NLGN1: variants seen among roughly 807,000 people sequenced by gnomAD.
The protein encoded by NLGN1 is neuroligin 1.
NLGN1 carries 12 observed loss-of-function variants against 65.5 expected under a neutral mutation model. The ratio of observed to expected loss-of-function variants is 0.18; its 90% CI spans 0.12 to 0.30. The LOEUF (loss-of-function observed/expected upper bound fraction) is 0.30, where lower values mean the gene tolerates loss of function less well. Ranked by LOEUF, NLGN1 falls within the 10% of genes least tolerant of loss-of-function variation. The pLI, the probability that NLGN1 is intolerant of heterozygous loss-of-function variation, is 1.00. For synonymous variants in NLGN1, 350 were observed against 359.5 expected (o/e 0.97, Z 0.30); for missense variants, 750 against 1,007.1 (o/e 0.74, Z 3.46).
intron 3 of NLGN1, among the ~76,000 whole-genome samples, chr3:173,709,068 C>G (rs764956586): frequency 6.6e-6 from 1 of 152,168 alleles, no homozygotes; most frequent in Non-Finnish European, 1.5e-5. Flanking sequence ...ATAATTTAGA[C>G]ACAGACGTAA....
At chr3:174,109,279 C>T (rs1171158173) in intron 4 of NLGN1, among the ~76,000 whole-genome samples, 1 of 151,704 alleles carries the variant, frequency 6.6e-6, no homozygotes, top group African/African-American at 2.4e-5. Context: ...TAATAAGTTC[C>T]TTTTCCTTCA....
intron 3 of NLGN1, among the ~76,000 whole-genome samples, chr3:173,731,512 G>T (rs1408552656): frequency 1.3e-5 from 2 of 151,952 alleles, no homozygotes; most frequent in Admixed American, 1.3e-4. Context: ...CTATTGAGAG[G>T]ATGAGATGAA....
intron 3 of NLGN1, among the ~76,000 whole-genome samples, chr3:173,699,006 G>A (rs989312957): frequency 1.6e-4 from 24 of 152,048 alleles, no homozygotes; most frequent in African/African-American, 5.1e-4. Context: ...ACACGCATGC[G>A]CCACCTTGCC....
chr3:174,068,912 G>A (rs1739232164), intron 4 of NLGN1, among the ~76,000 whole-genome samples: 1 of 152,096 alleles, frequency 6.6e-6, no homozygotes. Context: ...GATGCTGTGG[G>A]GTAATTCTAG....
chr3:173,660,872 T>C (rs555465761), intron 3 of NLGN1, among the ~76,000 whole-genome samples: 1 of 152,140 alleles, frequency 6.6e-6, no homozygotes, highest in East Asian at 1.9e-4. Flanking sequence ...CACCATGGTG[T>C]GCTGAAAAGA....
intron 2 of NLGN1, among the ~76,000 whole-genome samples, chr3:173,565,254 A>G (rs1466018032): frequency 1.3e-5 from 2 of 152,218 alleles, no homozygotes; most frequent in East Asian, 1.9e-4. Context: ...TAGACCAAAT[A>G]TAGTGAAATA....
At position 173,401,198 on chromosome 3, in the gene NLGN1, TCTATCCA is replaced by T. The variant is rs1278108090; in HGVS notation, c.-390+2713_-390+2719del. 1.1e-4 allele frequency among the ~76,000 whole-genome samples: 16 copies of T among 152,218 alleles called. No individual in the cohort carries two copies. The South Asian group carries it at 2.7e-3, about 26-fold the overall frequency. ...GGGATGTGTAGCATCATCCTTGGCC[TCTATCCA>T]CCAGATGCTGGTAGTGCACCCCACC... On this transcript the variant is annotated intron_variant, in intron 1 of 6. Coordinates refer to ENST00000457714, the Ensembl canonical transcript of NLGN1.
intron 3 of NLGN1, among the ~76,000 whole-genome samples, chr3:173,750,238 T>G (rs567524372): frequency 5.3e-5 from 8 of 152,094 alleles, no homozygotes; most frequent in Non-Finnish European, 1.2e-4. Flanking sequence ...TTGGACTTTC[T>G]ACTGAAGCCT....
intron 4 of NLGN1, among the ~76,000 whole-genome samples, chr3:174,181,515 A>G (rs1329660734): frequency 6.6e-6 from 1 of 152,128 alleles, no homozygotes; most frequent in African/African-American, 2.4e-5. Flanking sequence ...TTAGACTATA[A>G]TCTTCTGATA....
intron 2 of NLGN1, among the ~76,000 whole-genome samples, chr3:173,480,749 A>G (rs1325832327): frequency 6.6e-6 from 1 of 152,086 alleles, no homozygotes; most frequent in African/African-American, 2.4e-5. Flanking sequence ...CTAGATCTCT[A>G]AGATCTTTGG....
intron 2 of NLGN1, among the ~76,000 whole-genome samples, chr3:173,474,756 G>A (rs1449869588): frequency 6.6e-6 from 1 of 152,032 alleles, no homozygotes; most frequent in Non-Finnish European, 1.5e-5. Context: ...TCAGGAGTTC[G>A]AGACCAGTCT....
chr3:174,096,965 CTG>C (rs1017666920), intron 4 of NLGN1, among the ~76,000 whole-genome samples: 8 of 151,634 alleles, frequency 5.3e-5, no homozygotes, highest in Non-Finnish European at 1.0e-4. Context: ...GTATGTATGT[CTG>C]TGTGTAATCA....
intron 2 of NLGN1, among the ~76,000 whole-genome samples, chr3:173,583,787 G>C (rs940862399): frequency 1.3e-5 from 2 of 152,168 alleles, no homozygotes; most frequent in Admixed American, 6.5e-5. Flanking sequence ...CTTAGGTCTT[G>C]TTCTGTGACC....
intron 1 of NLGN1, among the ~76,000 whole-genome samples, chr3:173,406,017 CAT>C (rs1035639499): frequency 1.3e-5 from 2 of 151,892 alleles, no homozygotes; most frequent in African/African-American, 4.8e-5. Flanking sequence ...AAATATATAA[CAT>C]GTATCATATA....
rs191652937 is a variant in NLGN1 at position 174,270,106 on chromosome 3, C to T, written c.647-5209C>T. ...TATATAATTTGCAATTGTTTTCTCC[C>T]ATTCTGTTGGTTTCCTTTCTTTTTT... On this transcript the variant is annotated intron_variant, in intron 4 of 6. Transcript: ENST00000457714. 1.8e-3 allele frequency among the ~76,000 whole-genome samples: 251 copies of T among 140,036 alleles called. 1 individual carries two copies. Among genetic ancestry groups the T allele is most frequent in the African/African-American group, 6.5e-3 (245 of 37,696 alleles). The allele number at this position is 140,036 out of a possible 152,430, so 91.9% of individuals were successfully genotyped here.
intron 2 of NLGN1, among the ~76,000 whole-genome samples, chr3:173,444,545 T>C (rs1719816096): frequency 1.3e-5 from 2 of 152,174 alleles, no homozygotes. Flanking sequence ...GTGTGGATTT[T>C]GGTCTTTCAA....
intron 3 of NLGN1, among the ~76,000 whole-genome samples, chr3:173,622,197 A>G (rs988937819): frequency 6.6e-6 from 1 of 152,114 alleles, no homozygotes; most frequent in African/African-American, 2.4e-5. Flanking sequence ...TTCAATGACA[A>G]TCCAAGATTG....
At chr3:173,728,500 T>A (rs979449196) in intron 3 of NLGN1, among the ~76,000 whole-genome samples, 1 of 151,970 alleles carries the variant, frequency 6.6e-6, no homozygotes, top group African/African-American at 2.4e-5. Context: ...ATATCTATAG[T>A]GGGTTGAATA....
chr3:173,915,322 T>G (rs1460834818), intron 4 of NLGN1, among the ~76,000 whole-genome samples: 2 of 152,220 alleles, frequency 1.3e-5, no homozygotes, highest in Non-Finnish European at 2.9e-5. Context: ...CCCCTTTGCA[T>G]ATGAGAAACA....
Sources: allele counts gnomAD v4.1 joint callset (sites outside exome capture counted in the v4.1 genomes callset), GRCh38; gene constraint gnomAD v4.1.1; transcripts MANE v1.5; gene names NCBI Gene and HGNC (gene_info 2026-07-23, HGNC 2026-07-21).